Variants in RALGAPA2 observed in about 807,000 individuals in gnomAD.
RALGAPA2 encodes the protein ral GTPase-activating protein subunit alpha-2.
RALGAPA2 carries 139 observed loss-of-function variants against 230.4 expected under a neutral mutation model. The ratio of observed to expected loss-of-function variants is 0.60; its 90% CI spans 0.53 to 0.69. The LOEUF (loss-of-function observed/expected upper bound fraction) is 0.69. RALGAPA2 is among the 30% of genes least tolerant of loss of function. The pLI, the probability that RALGAPA2 is intolerant of heterozygous loss-of-function variation, is 0.00. For missense variants in RALGAPA2, 2,163 were observed against 2,276.0 expected (o/e 0.95, Z 1.01); for synonymous variants, 847 against 837.8 (o/e 1.01, Z -0.19).
chr20:20,559,620 AT>A (rs1962178841), intron 23 of RALGAPA2, among the ~76,000 whole-genome samples: 1 of 152,168 alleles, frequency 6.6e-6, no homozygotes, highest in South Asian at 2.1e-4. Context: ...TTACATTTTG[AT>A]TTTTAATGTA....
rs979798169 is a variant in RALGAPA2, at chr20:20,410,170, C to T, written c.5617+1857G>A. Among the ~76,000 whole-genome samples, 20 of 152,272 alleles carry T rather than the reference C, an allele frequency of 1.3e-4. No homozygotes were observed. In the South Asian group the frequency reaches 4.1e-3, roughly 32 times the overall value. On this transcript the variant is annotated intron_variant, in intron 38 of 39. Transcript: ENST00000202677. The stretch of plus-strand genomic sequence containing the variant: ...TTCTTGAAGAAGCCTATTGACAATC[C>T]TCTCCAAGTAGAGTTCTTAAAAACT...
At chr20:20,549,079 C>T (rs915494404) in intron 23 of RALGAPA2, among the ~76,000 whole-genome samples, 3 of 152,242 alleles carry the variant, frequency 2.0e-5, no homozygotes, top group South Asian at 4.1e-4. Flanking sequence ...ATCTTTAGCA[C>T]ATACTTGAAT....
intron 3 of RALGAPA2, among the ~76,000 whole-genome samples, chr20:20,663,041 A>G (rs1383272068): frequency 1.3e-5 from 2 of 152,228 alleles, no homozygotes; most frequent in Non-Finnish European, 2.9e-5. Context: ...TCTGAAGGCT[A>G]TACTGGGGAG....
At chr20:20,422,142 G>A (rs922752445) in intron 37 of RALGAPA2, among the ~76,000 whole-genome samples, 33 of 151,788 alleles carry the variant, frequency 2.2e-4, no homozygotes, top group Non-Finnish European at 4.3e-4. Context: ...GGGAGAATGT[G>A]GCATGACAGT....
At chr20:20,438,375 A>T (rs2060660908) in intron 37 of RALGAPA2, among the ~76,000 whole-genome samples, 1 of 152,242 alleles carries the variant, frequency 6.6e-6, no homozygotes, top group African/African-American at 2.4e-5. Flanking sequence ...AAAGCATTTC[A>T]CTATAACTGA....
At chr20:20,695,950 CT>C (rs1018015348) in intron 1 of RALGAPA2, among the ~76,000 whole-genome samples, 76 of 152,134 alleles carry the variant, frequency 5.0e-4, no homozygotes, top group African/African-American at 1.8e-3. Context: ...TCTCATTCTT[CT>C]CCAGCCACTG....
In RALGAPA2 at chr20:20,712,280, AGCCTCCC is replaced by A; in HGVS notation, c.106+88_106+94del. 1 of 392,466 alleles carries A rather than the reference AGCCTCCC, an allele frequency of 2.5e-6. No homozygotes were observed. Among genetic ancestry groups the A allele is most frequent in the Non-Finnish European group, 4.4e-6 (1 of 227,784 alleles). 24.3% of individuals were successfully genotyped at this position (392,466 alleles called of 1,614,324 possible). On this transcript the variant is annotated intron_variant, in intron 1 of 39. Transcript: ENST00000202677. This position sits in a 1 kb window ranked among gnomAD's most constrained non-coding sequence, Gnocchi z 5.5. ...CGGACGCCCACCCATCCCCCTCCCCAGCCTCCCAGCCACCGACCCCTGCACAGAGGAG... is the reference window on the plus strand; with the variant it reads ...CGGACGCCCACCCATCCCCCTCCCCAAGCCACCGACCCCTGCACAGAGGAG...
chr20:20,631,902 C>T (rs1448923871), intron 9 of RALGAPA2, among the ~76,000 whole-genome samples: 4 of 152,182 alleles, frequency 2.6e-5, no homozygotes, highest in Non-Finnish European at 4.4e-5. Flanking sequence ...AACCTCAGTC[C>T]TCTGTGTGCC....
intron 3 of RALGAPA2, among the ~76,000 whole-genome samples, chr20:20,672,584 G>A (rs1321600468): frequency 6.6e-6 from 1 of 152,176 alleles, no homozygotes; most frequent in Non-Finnish European, 1.5e-5. Flanking sequence ...AAGGGAGTTA[G>A]TGAACTGGAA....
chr20:20,462,950 C>T (rs1007927332), intron 37 of RALGAPA2, among the ~76,000 whole-genome samples: 7 of 152,212 alleles, frequency 4.6e-5, no homozygotes, highest in African/African-American at 1.7e-4. Flanking sequence ...TTATGGCATT[C>T]TGTTCCTTTC....
chr20:20,488,101 A>G (rs1445765174), intron 36 of RALGAPA2, among the ~76,000 whole-genome samples: 1 of 152,108 alleles, frequency 6.6e-6, no homozygotes, highest in East Asian at 1.9e-4. Context: ...TCAGCCCTCC[A>G]TTTACATGGG....
intron 16 of RALGAPA2, among the ~76,000 whole-genome samples, chr20:20,591,811 G>A (rs573044747): frequency 1.3e-5 from 2 of 152,246 alleles, no homozygotes; most frequent in African/African-American, 2.4e-5. Context: ...CTATAGTTAT[G>A]TAATGGCTTA....
intron 14 of RALGAPA2, 139 bp downstream of exon 14, chr20:20,611,176 T>G: frequency 1.6e-6 from 2 of 1,233,004 alleles, no homozygotes; most frequent in East Asian, 5.4e-5. Context: ...GATCATAACC[T>G]TCAGGACAAA....
At position 20,444,659 on chromosome 20, in the gene RALGAPA2, A is replaced by G. The variant is rs553630117; in HGVS notation, c.5495+28170T>C. 3.9e-5 allele frequency among the ~76,000 whole-genome samples: 6 copies of G among 152,304 alleles called. No homozygotes were observed. The South Asian group carries it at 8.3e-4, about 21-fold the overall frequency. On this transcript the variant is annotated intron_variant, in intron 37 of 39. Coordinates refer to ENST00000202677, the MANE Select transcript of RALGAPA2 (RefSeq NM_020343.4). ...CTAGCAAATACTGTCAGTTTCCCCAAGTGGTTGATTGAGCCAATTTACATT... is the reference window on the plus strand; with the variant it reads ...CTAGCAAATACTGTCAGTTTCCCCAGGTGGTTGATTGAGCCAATTTACATT...
intron 23 of RALGAPA2, among the ~76,000 whole-genome samples, chr20:20,552,896 C>T (rs2063969390): frequency 6.6e-6 from 1 of 152,070 alleles, no homozygotes; most frequent in Admixed American, 6.6e-5. Context: ...CAAGCTGCTA[C>T]CTGGCTTCTG....
At chr20:20,651,875 T>C (rs951204194) in intron 4 of RALGAPA2, among the ~76,000 whole-genome samples, 2 of 152,232 alleles carry the variant, frequency 1.3e-5, no homozygotes, top group African/African-American at 4.8e-5. Context: ...ATTCCTACGG[T>C]ACCATGGAGC....
chr20:20,666,649 T>G (rs191840211), intron 3 of RALGAPA2, among the ~76,000 whole-genome samples: 22 of 152,342 alleles, frequency 1.4e-4, no homozygotes, highest in Admixed American at 1.1e-3. Context: ...GCAGAAACTG[T>G]GGCAACTAGT....
chr20:20,576,289 A>G (rs917240103), intron 20 of RALGAPA2, among the ~76,000 whole-genome samples: 1 of 152,106 alleles, frequency 6.6e-6, no homozygotes, highest in Non-Finnish European at 1.5e-5. Flanking sequence ...CTTAGTTTTT[A>G]GGTAATTCTT....
chr20:20,601,556 G>T (rs1316560658), intron 16 of RALGAPA2, 126 bp downstream of exon 16: 8 of 897,752 alleles, frequency 8.9e-6, no homozygotes, highest in African/African-American at 1.7e-5. Context: ...AAAAGATGTA[G>T]AGACATTTCA....
Sources: gnomAD v4.1 joint callset for allele counts (sites outside exome capture counted in the v4.1 genomes callset) on GRCh38, gnomAD v4.1.1 for gene constraint, Gnocchi (gnomAD v3.1) non-coding constraint, MANE v1.5 for transcripts, NCBI Gene and HGNC (gene_info 2026-07-23, HGNC 2026-07-21) for gene names.